SUGCT: variants seen among roughly 807,000 people sequenced by gnomAD.
The protein encoded by SUGCT is succinyl-CoA:glutarate CoA-transferase.
SUGCT carries 41 observed loss-of-function variants against 55.0 expected under a neutral mutation model. The ratio of observed to expected loss-of-function variants is 0.74; its 90% CI spans 0.58 to 0.97. The LOEUF (loss-of-function observed/expected upper bound fraction) is 0.97. SUGCT is among the 50% of genes least tolerant of loss of function. The pLI is 0.00. For missense variants in SUGCT, 568 were observed against 547.8 expected, an observed-to-expected ratio of 1.04 and a Z score of -0.37; for synonymous variants, 187 against 200.4, an observed-to-expected ratio of 0.93 and a Z score of 0.56.
intron 6 of SUGCT, among the ~76,000 whole-genome samples, 168 bp downstream of exon 6, chr7:40,195,228 T>TC (rs1786186968): frequency 6.8e-6 from 1 of 147,936 alleles, no homozygotes; most frequent in Non-Finnish European, 1.5e-5. Flanking sequence ...TTTTCTTTTT[T>TC]TTTTTTTTTT....
intron 9 of SUGCT, among the ~76,000 whole-genome samples, chr7:40,401,700 G>C (rs1460266831): frequency 6.6e-6 from 1 of 152,180 alleles, no homozygotes; most frequent in Non-Finnish European, 1.5e-5. Flanking sequence ...TTAGAAACTA[G>C]TTTAATAATC....
At chr7:40,780,069 C>T (rs1415747353) in intron 13 of SUGCT, among the ~76,000 whole-genome samples, 1 of 152,116 alleles carries the variant, frequency 6.6e-6, no homozygotes, top group Non-Finnish European at 1.5e-5. Flanking sequence ...ATGGAGTTTT[C>T]TTTCTTCCTC....
the SUGCT span, among the ~76,000 whole-genome samples, chr7:40,990,667 C>T: frequency 6.6e-6 from 1 of 152,216 alleles, no homozygotes; most frequent in African/African-American, 2.4e-5. Flanking sequence ...GTTTAATCCA[C>T]ATAGCAAATT....
chr7:40,197,230 A>T (rs1786341396), intron 6 of SUGCT, among the ~76,000 whole-genome samples: 1 of 152,100 alleles, frequency 6.6e-6, no homozygotes, highest in African/African-American at 2.4e-5. Flanking sequence ...TGTTTTATAG[A>T]TCCATAATCA....
intron 12 of SUGCT, among the ~76,000 whole-genome samples, chr7:40,501,571 A>G (rs910355244): frequency 2.6e-5 from 4 of 152,164 alleles, no homozygotes; most frequent in African/African-American, 9.6e-5. Context: ...TCTTTAAGCT[A>G]TAACACACAG....
At chr7:40,822,533 C>A (rs777117864) in intron 13 of SUGCT, among the ~76,000 whole-genome samples, 5 of 151,796 alleles carry the variant, frequency 3.3e-5, no homozygotes, top group Admixed American at 6.6e-5. Context: ...CTTCTTTGTC[C>A]CTTTTGATCT....
At chr7:40,912,948 A>C in the SUGCT span, among the ~76,000 whole-genome samples, 1 of 151,782 alleles carries the variant, frequency 6.6e-6, no homozygotes, top group Non-Finnish European at 1.5e-5. Flanking sequence ...TGACTGCTCC[A>C]GTCCTGCCAT....
chr7:40,439,068 A>C (rs200732990), intron 9 of SUGCT, among the ~76,000 whole-genome samples: 1 of 34,456 alleles, frequency 2.9e-5, no homozygotes. Flanking sequence ...TATGGTGTAT[A>C]TATATATATA....
intron 7 of SUGCT, among the ~76,000 whole-genome samples, chr7:40,271,409 T>A (rs948948225): frequency 6.6e-6 from 1 of 152,218 alleles, no homozygotes; most frequent in Non-Finnish European, 1.5e-5. Flanking sequence ...ATTATAGGAA[T>A]GAGCCTTCGT....
At chr7:40,667,301 A>G (rs551456036) in intron 12 of SUGCT, among the ~76,000 whole-genome samples, 1 of 152,234 alleles carries the variant, frequency 6.6e-6, no homozygotes, top group African/African-American at 2.4e-5. Flanking sequence ...AATAAAGCCT[A>G]CCTGATCATG....
At chr7:40,855,188 T>G (rs1794108591) in intron 13 of SUGCT, among the ~76,000 whole-genome samples, 1 of 151,902 alleles carries the variant, frequency 6.6e-6, no homozygotes, top group Admixed American at 6.6e-5. Context: ...ATCTATACTG[T>G]TGGATTCTCA....
At chr7:40,922,404 C>T in the SUGCT span, among the ~76,000 whole-genome samples, 1 of 152,156 alleles carries the variant, frequency 6.6e-6, no homozygotes. Context: ...AAGAGAACAC[C>T]TTCCTTCTTC....
At chr7:40,712,535 A>G (rs1162143944) in intron 12 of SUGCT, among the ~76,000 whole-genome samples, 2 of 152,244 alleles carry the variant, frequency 1.3e-5, no homozygotes, top group East Asian at 3.8e-4. Context: ...AGAGAAAAAG[A>G]GTTTAGGATT....
At chr7:40,345,653 G>GT (rs1167759362) in intron 9 of SUGCT, among the ~76,000 whole-genome samples, 1 of 151,710 alleles carries the variant, frequency 6.6e-6, no homozygotes, top group South Asian at 2.1e-4. Flanking sequence ...GTAAGGTTGT[G>GT]TTTTTTTAAT....
At chr7:40,204,226 A>G (rs1274802454) in intron 6 of SUGCT, among the ~76,000 whole-genome samples, 1 of 151,648 alleles carries the variant, frequency 6.6e-6, no homozygotes, top group African/African-American at 2.4e-5. Flanking sequence ...CCTGGCCTCA[A>G]GTGATCCTCC....
chr7:40,142,119 G>T (rs1283033930), intron 1 of SUGCT, among the ~76,000 whole-genome samples: 1 of 152,110 alleles, frequency 6.6e-6, no homozygotes, highest in African/African-American at 2.4e-5. Context: ...GGGTGGAATA[G>T]GTAACTGGAA....
chr7:40,462,911 T>C (rs1171628964), intron 11 of SUGCT, among the ~76,000 whole-genome samples: 1 of 152,222 alleles, frequency 6.6e-6, no homozygotes, highest in African/African-American at 2.4e-5. Flanking sequence ...AAAAATTTTT[T>C]CTCTTGCAAA....
At chr7:40,827,735 A>C (rs1381810793) in intron 13 of SUGCT, among the ~76,000 whole-genome samples, 1 of 152,072 alleles carries the variant, frequency 6.6e-6, no homozygotes, top group Non-Finnish European at 1.5e-5. Flanking sequence ...GGGAGTCTTT[A>C]CCATCCAGCT....
chr7:40,626,916 C>T (rs1007281875), intron 12 of SUGCT, among the ~76,000 whole-genome samples: 3 of 152,166 alleles, frequency 2.0e-5, no homozygotes, highest in Admixed American at 6.5e-5. Flanking sequence ...AGCATATTTA[C>T]CGAGTATTTG....
Sources: allele counts gnomAD v4.1 joint callset (sites outside exome capture counted in the v4.1 genomes callset), GRCh38; gene constraint gnomAD v4.1.1; transcripts MANE v1.5; gene names NCBI Gene and HGNC (gene_info 2026-07-23, HGNC 2026-07-21).